The following NDST3 variants were observed in gnomAD, a reference collection of about 807,000 sequenced individuals.
NDST3 encodes bifunctional heparan sulfate N-deacetylase/N-sulfotransferase 3.
In NDST3, 58 loss-of-function variants were observed where a neutral mutation model predicts 96.1. The observed-to-expected ratio is 0.60, with a 90% CI of 0.49 to 0.75. The LOEUF is 0.75. Ranked by LOEUF, NDST3 falls within the 30% of genes least tolerant of loss-of-function variation. The pLI is 0.00. For missense variants in NDST3, 788 were observed against 1,034.2 expected (o/e 0.76, Z 3.27); for synonymous variants, 333 against 359.7 (o/e 0.93, Z 0.84).
At chr4:118,186,099 C>T (rs1736935240) in intron 6 of NDST3, among the ~76,000 whole-genome samples, 2 of 152,106 alleles carry the variant, frequency 1.3e-5, no homozygotes, top group Non-Finnish European at 2.9e-5. Context: ...GTTTTGGAAT[C>T]TTCTGCTTAC....
At chr4:118,093,094 T>A (rs1578623171) in intron 2 of NDST3, among the ~76,000 whole-genome samples, 1 of 151,970 alleles carries the variant, frequency 6.6e-6, no homozygotes. Flanking sequence ...TGAGAAGGGC[T>A]GTGCGCTGGA....
intron 6 of NDST3, among the ~76,000 whole-genome samples, chr4:118,158,780 C>G (rs1024614800): frequency 7.2e-5 from 11 of 152,148 alleles, no homozygotes; most frequent in Admixed American, 6.5e-5. Flanking sequence ...TATTATGCAC[C>G]TCCTGTGATT....
chr4:118,230,560 G>A (rs1054124175), intron 8 of NDST3, among the ~76,000 whole-genome samples: 4 of 151,506 alleles, frequency 2.6e-5, no homozygotes, highest in South Asian at 2.1e-4. Flanking sequence ...GGGCAACAGA[G>A]CGAGACTCCG....
At chr4:118,181,882 CAAATA>C (rs1227421032) in intron 6 of NDST3, among the ~76,000 whole-genome samples, 6 of 152,066 alleles carry the variant, frequency 3.9e-5, no homozygotes, top group Non-Finnish European at 7.4e-5. Context: ...AGGGATTCAA[CAAATA>C]AAATAAACCA....
intron 2 of NDST3, among the ~76,000 whole-genome samples, chr4:118,098,489 A>G (rs1485374478): frequency 6.6e-6 from 1 of 152,022 alleles, no homozygotes; most frequent in African/African-American, 2.4e-5. Context: ...GCACTTACTT[A>G]ATAGTTTTCT....
At chr4:118,057,550 A>G (rs1311719996) in intron 2 of NDST3, among the ~76,000 whole-genome samples, 1 of 152,096 alleles carries the variant, frequency 6.6e-6, no homozygotes, top group Non-Finnish European at 1.5e-5. Context: ...TATCCCTTGA[A>G]TAAGAGTTTG....
At chr4:118,094,660 T>TA (rs1729146065) in intron 2 of NDST3, among the ~76,000 whole-genome samples, 1 of 151,968 alleles carries the variant, frequency 6.6e-6, no homozygotes, top group East Asian at 1.9e-4. Context: ...GCATTACCAG[T>TA]AATTAATTTA....
intron 6 of NDST3, among the ~76,000 whole-genome samples, chr4:118,207,543 A>G (rs1434366439): frequency 6.9e-6 from 1 of 145,220 alleles, no homozygotes; most frequent in Non-Finnish European, 1.5e-5. Context: ...CACACAAGTG[A>G]TGACACAGTA....
chr4:118,127,947 T>G (rs1368004464), intron 4 of NDST3, among the ~76,000 whole-genome samples: 6 of 152,022 alleles, frequency 3.9e-5, no homozygotes, highest in Non-Finnish European at 4.4e-5. Flanking sequence ...TATTTGTGGC[T>G]ACTATAAATG....
intron 2 of NDST3, among the ~76,000 whole-genome samples, chr4:118,076,684 G>GGATCCTGTATTGTTTT (rs1362142595): frequency 6.6e-6 from 1 of 151,972 alleles, no homozygotes. Flanking sequence ...TTTATCTTTT[G>GGATCCTGTATTGTTTT]GATCCTGTAT....
chr4:118,219,452 A>T (rs1243552278), intron 6 of NDST3, among the ~76,000 whole-genome samples: 1 of 152,178 alleles, frequency 6.6e-6, no homozygotes, highest in Non-Finnish European at 1.5e-5. Flanking sequence ...AGGATTCTCT[A>T]TTTAATAAAT....
intron 12 of NDST3, among the ~76,000 whole-genome samples, chr4:118,246,563 G>A (rs899421616): frequency 3.3e-5 from 5 of 151,976 alleles, no homozygotes; most frequent in East Asian, 1.9e-4. Context: ...CCAAGATTGC[G>A]CCATTGCACT....
chr4:118,129,905 A>G (rs1732462733), intron 4 of NDST3, among the ~76,000 whole-genome samples: 1 of 151,920 alleles, frequency 6.6e-6, no homozygotes, highest in South Asian at 2.1e-4. Context: ...GTTATATACT[A>G]TTACGGGGTT....
intron 5 of NDST3, among the ~76,000 whole-genome samples, chr4:118,141,245 A>G (rs1465336935): frequency 2.0e-5 from 3 of 152,194 alleles, no homozygotes; most frequent in African/African-American, 7.2e-5. Context: ...CCCAGAACCA[A>G]TTCTAGGGGG....
At chr4:118,071,519 T>C (rs1358205592) in intron 2 of NDST3, among the ~76,000 whole-genome samples, 2 of 152,140 alleles carry the variant, frequency 1.3e-5, no homozygotes, top group Non-Finnish European at 2.9e-5. Flanking sequence ...AGTATTTGGC[T>C]TTCTCTTCCT....
At chr4:118,227,804 G>A (rs1740000664) in intron 8 of NDST3, among the ~76,000 whole-genome samples, 1 of 152,026 alleles carries the variant, frequency 6.6e-6, no homozygotes, top group African/African-American at 2.4e-5. Context: ...AGTAGAGACA[G>A]GGTTTCACCG....
Position 118,053,795 on chromosome 4 carries a change from A to T in NDST3, c.-116A>T. ...GAGTCCTGATCAAGTGATACAAATG[A>T]GCTGCAATGGTGACATAAACTCTTG... On this transcript the variant is annotated 5_prime_UTR_variant, in exon 2 of 14. Coordinates refer to ENST00000296499, the MANE Select transcript of NDST3 (RefSeq NM_004784.3). The T allele has an allele frequency of 1.8e-6, 2 of 1,082,902 alleles. No individual in the cohort carries two copies. The highest frequency in any genetic ancestry group is 2.6e-6 in the Non-Finnish European group (2 of 759,904). The allele number at this position is 1,082,902 out of a possible 1,614,324, so 67.1% of individuals were successfully genotyped here.
At chr4:118,159,889 T>C (rs1037658824) in intron 6 of NDST3, among the ~76,000 whole-genome samples, 2 of 151,994 alleles carry the variant, frequency 1.3e-5, no homozygotes, top group African/African-American at 2.4e-5. Flanking sequence ...TAAAACAAAA[T>C]AAACAGTGAA....
chr4:118,056,477 T>C (rs1340706971), intron 2 of NDST3, among the ~76,000 whole-genome samples: 4 of 152,026 alleles, frequency 2.6e-5, no homozygotes, highest in African/African-American at 9.7e-5. Context: ...CTAAATGCTT[T>C]TTTAAAAAAT....
Sources: gnomAD v4.1 joint callset for allele counts (sites outside exome capture counted in the v4.1 genomes callset) on GRCh38, gnomAD v4.1.1 for gene constraint, MANE v1.5 for transcripts, NCBI Gene and HGNC (gene_info 2026-07-23, HGNC 2026-07-21) for gene names.